The following GALNT12 variants were observed in gnomAD, a reference collection of about 807,000 sequenced individuals.
GALNT12 encodes UDP-GalNAc:polypeptide N-acetylgalactosaminyltransferase 12.
A neutral mutation model predicts 55.5 loss-of-function variants in GALNT12; 45 were observed. The observed-to-expected ratio is 0.81, with a 90% confidence interval of 0.64 to 1.04. The LOEUF is 1.04. Ranked by LOEUF, GALNT12 falls within the 50% of genes least tolerant of loss-of-function variation. The pLI, the probability that GALNT12 is intolerant of heterozygous loss-of-function variation, is 0.00. For missense variants in GALNT12, 709 were observed against 754.8 expected, an observed-to-expected ratio of 0.94 and a Z score of 0.71; for synonymous variants, 304 against 312.2, an observed-to-expected ratio of 0.97 and a Z score of 0.28.
At position 98,849,081 on chromosome 9, in the gene GALNT12, C is replaced by T. The variant is rs2118524116; in HGVS notation, c.1735C>T (p.Arg579Cys). The T allele has an allele frequency of 6.8e-6, 11 of 1,614,118 alleles. No homozygotes were observed. Among genetic ancestry groups the T allele is most frequent in the Non-Finnish European group, 9.3e-6 (11 of 1,180,018 alleles). ...SDHQKWFFKERML is the reference protein window; with the variant it reads ...SDHQKWFFKECML Reference sequence around the variant, plus strand: ...TCATCAGAAATGGTTCTTCAAAGAGCGCATGTTATGAAGCCTCGTGTATCA... The same window carrying T: ...TCATCAGAAATGGTTCTTCAAAGAGTGCATGTTATGAAGCCTCGTGTATCA... Residue 579 changes from arginine (R) to cysteine (C), a missense_variant, in exon 10 of 10, where the codon CGC (arginine) becomes TGC (cysteine). Around this residue, in one of 5 missense-constraint regions of GALNT12, gnomAD observed 262 missense variants for 310.7 expected, o/e 0.84. Transcript: ENST00000375011.
chr9:98,828,406 T>A (rs1472648798), intron 3 of GALNT12, among the ~76,000 whole-genome samples: 1 of 152,178 alleles, frequency 6.6e-6, no homozygotes, highest in Non-Finnish European at 1.5e-5. Flanking sequence ...GGCCGAGTGC[T>A]CCCTCTGGAA....
chr9:98,847,090 C>T (rs73496198), intron 9 of GALNT12: 2 of 152,290 alleles, frequency 1.3e-5, no homozygotes, highest in African/African-American at 4.8e-5. Context: ...CACTTGCAGT[C>T]AGCTTGCATC....
chr9:98,844,041 C>T, intron 7 of GALNT12, 55 bp from the exon 8 acceptor site: 1 of 1,201,134 alleles, frequency 8.3e-7, no homozygotes, highest in Non-Finnish European at 1.2e-6. Flanking sequence ...CCTTGTGTGG[C>T]ATCTGTTAGT....
chr9:98,829,917 T>A (rs187778202), intron 3 of GALNT12, among the ~76,000 whole-genome samples: 1 of 152,354 alleles, frequency 6.6e-6, no homozygotes, highest in East Asian at 1.9e-4. Flanking sequence ...TTATTGTGAA[T>A]AGTGCTGCAA....
intron 1 of GALNT12, among the ~76,000 whole-genome samples, chr9:98,811,090 A>G (rs774719741): frequency 6.6e-6 from 1 of 152,172 alleles, no homozygotes; most frequent in Non-Finnish European, 1.5e-5. Context: ...AAATCAGAAT[A>G]TCTGTGGCTA....
chr9:98,812,542 A>G (rs1255799426), intron 1 of GALNT12, among the ~76,000 whole-genome samples: 1 of 152,222 alleles, frequency 6.6e-6, no homozygotes, highest in Non-Finnish European at 1.5e-5. Context: ...CAGTGAGCCA[A>G]GATTGCACCA....
rs1033145840 is a variant in GALNT12 at position 98,845,852 on chromosome 9, T to G, written c.1459-125T>G. On this transcript the variant is annotated intron_variant, in intron 8 of 9. Coordinates refer to ENST00000375011, the MANE Select transcript of GALNT12 (RefSeq NM_024642.5). ...GAGGAACCCATCACACAGGCTCGTG[T>G]TGGTGGTGACGCAGGTGCATGACCC... 3 of 940,234 alleles carry G rather than the reference T, an allele frequency of 3.2e-6. No individual in the cohort carries two copies. The Admixed American group carries it at 6.0e-5, about 19-fold the overall frequency. The allele number at this position is 940,234 out of a possible 1,614,324, so 58.2% of individuals were successfully genotyped here. A position where few individuals can be genotyped will look rare whatever the true frequency, so the allele number is the denominator to read the frequency against.
chr9:98,826,667 G>C, intron 2 of GALNT12, 85 bp from the exon 3 acceptor site: 1 of 1,309,798 alleles, frequency 7.6e-7, no homozygotes, highest in East Asian at 2.5e-5. Context: ...GTTTGGGACA[G>C]GGAGGCCCAG....
intron 1 of GALNT12, among the ~76,000 whole-genome samples, chr9:98,819,472 A>G (rs1300213390): frequency 6.6e-6 from 1 of 152,222 alleles, no homozygotes; most frequent in African/African-American, 2.4e-5. Context: ...TGCCCAGAGC[A>G]GGGCCTCCTG....
At chr9:98,823,521 A>T in intron 2 of GALNT12, 96 bp downstream of exon 2, 1 of 1,049,426 alleles carries the variant, frequency 9.5e-7, no homozygotes, top group Middle Eastern at 2.8e-4. Flanking sequence ...TAGGCCCAGT[A>T]AGGATGGGCT....
intron 4 of GALNT12, among the ~76,000 whole-genome samples, chr9:98,834,515 G>T (rs1016006051): frequency 6.6e-6 from 1 of 152,236 alleles, no homozygotes; most frequent in African/African-American, 2.4e-5. Flanking sequence ...GCCGTGGGCC[G>T]TTTCTGGTTA....
In GALNT12 at chr9:98,837,003, A is replaced by G; in HGVS notation, c.1067A>G (p.His356Arg). ...IWQCGGVLET[H>R]PCSHVGHVFP... Reference sequence around the variant, plus strand: ...CAGTGTGGTGGGGTTCTGGAAACACACCCATGTTCCCATGTTGGCCATGTT... The same window carrying G: ...CAGTGTGGTGGGGTTCTGGAAACACGCCCATGTTCCCATGTTGGCCATGTT... The change falls in exon 6 of 10, where the codon CAC becomes CGC. Residue 356 changes from histidine to arginine, a missense_variant. Physicochemically the swap from His to Arg is conservative, Grantham distance 29. Around this residue, in one of 5 missense-constraint regions of GALNT12, gnomAD observed 262 missense variants for 310.7 expected, o/e 0.84. Transcript: ENST00000375011. 1 of 1,613,860 alleles carries G rather than the reference A, an allele frequency of 6.2e-7. No individual in the cohort carries two copies. The highest frequency in any genetic ancestry group is 8.5e-7 in the Non-Finnish European group (1 of 1,179,968).
chr9:98,831,388 C>T (rs1339187146), intron 3 of GALNT12, among the ~76,000 whole-genome samples: 2 of 151,940 alleles, frequency 1.3e-5, no homozygotes, highest in Non-Finnish European at 2.9e-5. Context: ...CAAAGCTGAC[C>T]CTTTGGTCTG....
chr9:98,807,898 G>A lies in GALNT12; in HGVS notation c.200G>A (p.Arg67Gln). 2 of 1,165,600 alleles carry A rather than the reference G, an allele frequency of 1.7e-6. No homozygotes were observed. The highest frequency in any genetic ancestry group is 2.1e-6 in the Non-Finnish European group (2 of 945,960). 72.2% of individuals were successfully genotyped at this position (1,165,600 alleles called of 1,614,324 possible). ...GGGCGGCGCGAGCCGGTCATGCCGC[G>A]GCCGCCGGTGCCGGCGAACGCGCTG... The part of the protein sequence containing the change: ...RPGRREPVMP[R>Q]PPVPANALGA... The change falls in exon 1 of 10, where the codon CGG (arginine) becomes CAG (glutamine). Residue 67 changes from arginine (R) to glutamine (Q), a missense_variant. This residue lies in a region of GALNT12 where 110 missense variants were observed against 102.2 expected (regional missense o/e 1.08). Coordinates refer to ENST00000375011, the MANE Select transcript of GALNT12 (RefSeq NM_024642.5).
chr9:98,840,103 G>A lies in GALNT12; in HGVS notation c.1314G>A (p.Val438=). 6.2e-7 allele frequency: 1 copy of A among 1,614,052 alleles called. No homozygotes were observed. The highest frequency in any genetic ancestry group is 8.5e-7 in the Non-Finnish European group (1 of 1,180,020). The change falls in exon 7 of 10, where the codon GTG becomes GTA. Residue 438 remains valine (V), a synonymous_variant. Coordinates refer to ENST00000375011, the MANE Select transcript of GALNT12 (RefSeq NM_024642.5). ...AGACTGTGTATCCAGAACTGCATGT[G>A]CCTGAGGACAGGCCTGGCTTCTTCG... is the stretch of plus-strand genomic sequence containing the variant. The part of the protein sequence containing the change: ...FLETVYPELH[V]PEDRPGFFGM...
chr9:98,812,861 T>C (rs371785427), intron 1 of GALNT12, among the ~76,000 whole-genome samples: 6 of 152,350 alleles, frequency 3.9e-5, no homozygotes, highest in Admixed American at 1.3e-4. Context: ...TTAAAGTACA[T>C]ATTTAACTCA....
rs757706390 is a variant in GALNT12, at chr9:98,837,058, C to A, written c.1122C>A (p.Asn374Lys). The A allele has an allele frequency of 1.2e-6, 2 of 1,614,208 alleles. No individual in the cohort carries two copies. The highest frequency in any genetic ancestry group is 1.1e-5 in the South Asian group (1 of 91,084). Residue 374 changes from asparagine to lysine, a missense_variant, in exon 6 of 10, where the codon AAC becomes AAA. Asn to Lys is a moderately conservative substitution (Grantham distance 94). Around this residue, in one of 5 missense-constraint regions of GALNT12, gnomAD observed 262 missense variants for 310.7 expected, o/e 0.84. Transcript: ENST00000375011. ...VFPKQAPYSR[N>K]KALANSVRAA... ...CCAAGCAAGCTCCCTACTCCCGCAA[C>A]AAGGCTCTGGCCAACAGTGTTCGTG...
chr9:98,821,233 C>T (rs1269440015), intron 1 of GALNT12, among the ~76,000 whole-genome samples: 1 of 151,988 alleles, frequency 6.6e-6, no homozygotes, highest in Non-Finnish European at 1.5e-5. Flanking sequence ...TGGTCTCGAA[C>T]TCCTGGCCTC....
intron 1 of GALNT12, among the ~76,000 whole-genome samples, chr9:98,810,755 C>A (rs770177106): frequency 2.0e-5 from 3 of 152,014 alleles, no homozygotes; most frequent in Non-Finnish European, 4.4e-5. Flanking sequence ...AGACCTGGGC[C>A]CCTCTATGAA....
Sources: gnomAD v4.1 joint callset for allele counts (sites outside exome capture counted in the v4.1 genomes callset) on GRCh38, gnomAD v4.1.1 for gene constraint, gnomAD v4.1.1 regional missense constraint, MANE v1.5 for transcripts, NCBI Gene and HGNC (gene_info 2026-07-23, HGNC 2026-07-21) for gene names.